The following AASS variants were observed in gnomAD, a reference collection of about 807,000 sequenced individuals.
AASS encodes alpha-aminoadipic semialdehyde synthase, mitochondrial.
AASS carries 86 observed loss-of-function variants against 105.4 expected under a neutral mutation model. The ratio of observed to expected loss-of-function variants is 0.82; its 90% CI spans 0.69 to 0.98. AASS has a LOEUF of 0.98. Ranked by LOEUF, AASS falls within the 50% of genes least tolerant of loss-of-function variation. The pLI is 0.00. For missense variants in AASS, 1,048 were observed against 1,143.2 expected, an observed-to-expected ratio of 0.92 and a Z score of 1.20; for synonymous variants, 381 against 394.8, an observed-to-expected ratio of 0.96 and a Z score of 0.41.
chr7:122,078,886 G>T lies in AASS; in HGVS notation c.2461C>A (p.His821Asn). The T allele has an allele frequency of 1.2e-6, 2 of 1,614,048 alleles. No homozygotes were observed. The highest frequency in any genetic ancestry group is 8.5e-7 in the Non-Finnish European group (1 of 1,179,990). The change falls in exon 22 of 24, where the codon CAT (histidine) becomes AAT (asparagine). Residue 821 changes from histidine to asparagine, a missense_variant. Transcript: ENST00000417368. The stretch of plus-strand genomic sequence containing the variant: ...CCATAGGAAAGCTTCATGACCAAAT[G>T]CTTGGAGAGGGCATCCAGAATGGAC... ...AESILDALSK[H>N]LVMKLSYGPE...
chr7:122,104,303 A>G (rs1048837049), intron 11 of AASS, among the ~76,000 whole-genome samples: 10 of 151,674 alleles, frequency 6.6e-5, no homozygotes, highest in Non-Finnish European at 1.5e-4. Context: ...GCCATAAAAA[A>G]GAATGAAATT....
At chr7:122,120,632 T>G (rs1795397282) in intron 4 of AASS, among the ~76,000 whole-genome samples, 1 of 152,010 alleles carries the variant, frequency 6.6e-6, no homozygotes, top group South Asian at 2.1e-4. Flanking sequence ...TCTAGCTTCT[T>G]ATAGTGGAAG....
At chr7:122,114,531 C>T (rs908328760) in intron 9 of AASS, among the ~76,000 whole-genome samples, 2 of 151,934 alleles carry the variant, frequency 1.3e-5, no homozygotes, top group Non-Finnish European at 2.9e-5. Flanking sequence ...GTGCTTGTGG[C>T]CAAGAGAAAG....
intron 17 of AASS, among the ~76,000 whole-genome samples, chr7:122,092,155 A>C (rs994002198): frequency 3.3e-5 from 5 of 151,482 alleles, no homozygotes; most frequent in Admixed American, 1.3e-4. Context: ...ATATATTTAC[A>C]TATATATAAT....
chr7:122,080,389 T>A (rs1417098511), intron 20 of AASS, among the ~76,000 whole-genome samples: 3 of 152,208 alleles, frequency 2.0e-5, no homozygotes, highest in Admixed American at 2.0e-4. Flanking sequence ...TGAGTGGTAC[T>A]GACAGAGACC....
chr7:122,113,442 C>A (rs1795024266), intron 10 of AASS, among the ~76,000 whole-genome samples, 156 bp downstream of exon 10: 1 of 152,092 alleles, frequency 6.6e-6, no homozygotes, highest in African/African-American at 2.4e-5. Flanking sequence ...TGTGTGTGTT[C>A]AAATGTGCAT....
chr7:122,082,407 C>T (rs769111035), intron 19 of AASS, among the ~76,000 whole-genome samples: 3 of 152,092 alleles, frequency 2.0e-5, no homozygotes, highest in Non-Finnish European at 2.9e-5. Context: ...ATGTTTTCTC[C>T]TCCCTTCAGA....
chr7:122,134,160 A>G (rs185256474), intron 1 of AASS, among the ~76,000 whole-genome samples: 23 of 152,320 alleles, frequency 1.5e-4, no homozygotes, highest in African/African-American at 5.5e-4. Context: ...GGTATACAAG[A>G]TTCTTCACAA....
At chr7:122,124,199 C>A (rs995109430) in intron 4 of AASS, among the ~76,000 whole-genome samples, 2 of 152,182 alleles carry the variant, frequency 1.3e-5, no homozygotes, top group Admixed American at 6.5e-5. Flanking sequence ...ATTCTTCAGA[C>A]CTCACCTTCA....
intron 18 of AASS, among the ~76,000 whole-genome samples, chr7:122,090,901 A>G (rs1284304584): frequency 6.6e-6 from 1 of 152,032 alleles, no homozygotes; most frequent in Non-Finnish European, 1.5e-5. Context: ...GGCCAAGCAC[A>G]TCCTCTTCTC....
chr7:122,105,234 A>T (rs562183338), intron 11 of AASS, among the ~76,000 whole-genome samples: 2 of 152,196 alleles, frequency 1.3e-5, no homozygotes, highest in East Asian at 3.9e-4. Context: ...AGCAAATATT[A>T]ATTAATCAAC....
intron 18 of AASS, among the ~76,000 whole-genome samples, chr7:122,088,726 T>G (rs1793751611): frequency 2.0e-5 from 3 of 152,056 alleles, no homozygotes; most frequent in Admixed American, 2.0e-4. Context: ...TAAAGCGATG[T>G]TTGCAGAGCA....
At chr7:122,103,640 A>T (rs1794532846) in intron 11 of AASS, among the ~76,000 whole-genome samples, 1 of 152,068 alleles carries the variant, frequency 6.6e-6, no homozygotes, top group Non-Finnish European at 1.5e-5. Context: ...AAACAGTCAA[A>T]AATAATGATA....
chr7:122,075,019 C>T lies in AASS; in HGVS notation c.*1470G>A, dbSNP rs1422653508. 2.0e-5 allele frequency among the ~76,000 whole-genome samples: 3 copies of T among 152,138 alleles called. No individual in the cohort carries two copies. Among genetic ancestry groups the T allele is most frequent in the Middle Eastern group, 3.4e-3 (1 of 294 alleles). ...GACGACAGATGAGTGTCATCACATCCAGCTGTTTTTTGTTTGCTTGTTGTT... is the reference window on the plus strand; with the variant it reads ...GACGACAGATGAGTGTCATCACATCTAGCTGTTTTTTGTTTGCTTGTTGTT... On this transcript the variant is annotated 3_prime_UTR_variant, in exon 24 of 24. Transcript: ENST00000417368.
At position 122,086,109 on chromosome 7, in the gene AASS, T is replaced by A. The variant is rs534018216; in HGVS notation, c.2087A>T (p.Asn696Ile). 6.2e-7 allele frequency: 1 copy of A among 1,613,568 alleles called. No individual in the cohort carries two copies. The highest frequency in any genetic ancestry group is 1.3e-5 in the African/African-American group (1 of 74,958). The change falls in exon 19 of 24, where the codon AAT (asparagine) becomes ATT (isoleucine). Residue 696 changes from asparagine (N) to isoleucine (I), a missense_variant. Transcript: ENST00000417368. ...VTSMDFFPGL[N>I]LEGYPNRDST... ...GTCTCTGTTAGGATAGCCTTCCAAA[T>A]TTAATCCTGGAAAAAAATCCATGGA...
At chr7:122,111,652 C>T (rs964521583) in intron 11 of AASS, among the ~76,000 whole-genome samples, 2 of 152,120 alleles carry the variant, frequency 1.3e-5, no homozygotes, top group Non-Finnish European at 2.9e-5. Flanking sequence ...GCCTGTAATA[C>T]CAGCACTTTG....
In AASS at chr7:122,133,690, C is replaced by CCA. The variant is rs758925857; in HGVS notation, c.35_36dup (p.Gly13TrpfsTer22). 6.2e-7 allele frequency: 1 copy of CCA among 1,614,012 alleles called. No individual in the cohort carries two copies. Among genetic ancestry groups the CCA allele is most frequent in the African/African-American group, 1.3e-5 (1 of 74,888 alleles). On this transcript the variant is annotated frameshift_variant, in exon 2 of 24. Coordinates refer to ENST00000417368, the MANE Select transcript of AASS (RefSeq NM_005763.4). LOFTEE classifies it high-confidence loss of function. ...TGAAGACCCTTGGAGAGGCTGACCCCCAGCCTGCCCAGTCCAGTCCTATGT... is the reference window on the plus strand; with the variant it reads ...TGAAGACCCTTGGAGAGGCTGACCCCCACAGCCTGCCCAGTCCAGTCCTATGT...
rs1206395061 is a variant in AASS at position 122,129,645 on chromosome 7, T to C, written c.211-108A>G. On this transcript the variant is annotated intron_variant, in intron 2 of 23. Transcript: ENST00000417368. The stretch of plus-strand genomic sequence containing the variant: ...CAACAAATCTTTTGAAGGAATAAAA[T>C]CTGTATGAATTAGAACAAATAATAG... 4.0e-6 allele frequency: 4 copies of C among 1,006,144 alleles called. No homozygotes were observed. In the African/African-American group the frequency reaches 6.4e-5, roughly 16 times the overall value. 62.3% of individuals were successfully genotyped at this position (1,006,144 alleles called of 1,614,324 possible).
intron 19 of AASS, chr7:122,082,900 G>A: frequency 2.4e-6 from 3 of 1,260,048 alleles, no homozygotes; most frequent in African/African-American, 1.5e-5. Flanking sequence ...CCCTAAAAGA[G>A]AACAAATGGC....
Sources: allele counts gnomAD v4.1 joint callset (sites outside exome capture counted in the v4.1 genomes callset), GRCh38; gene constraint gnomAD v4.1.1; transcripts MANE v1.5; gene names NCBI Gene and HGNC (gene_info 2026-07-23, HGNC 2026-07-21).